Variants in KCTD8 observed in about 807,000 individuals in gnomAD.
KCTD8 encodes the protein potassium channel tetramerization domain containing 8, also known as BTB/POZ domain-containing protein KCTD8.
Under a neutral mutation model 31.5 loss-of-function variants are expected in KCTD8, and 27 were observed. That is an observed-to-expected ratio of 0.86 (90% CI 0.63 to 1.18). The LOEUF is 1.18. Among genes scored for constraint, KCTD8 ranks in the 50% most tolerant of loss-of-function variants. KCTD8 has a pLI of 0.00. For missense variants in KCTD8, 658 were observed against 647.7 expected (o/e 1.02, Z -0.17); for synonymous variants, 290 against 280.0 (o/e 1.04, Z -0.36).
At chr4:44,432,339 C>A (rs2109478490) in intron 1 of KCTD8, among the ~76,000 whole-genome samples, 1 of 151,550 alleles carries the variant, frequency 6.6e-6, no homozygotes, top group East Asian at 1.9e-4. Flanking sequence ...TGGTTAATAG[C>A]ATTCTATACA....
In KCTD8 at chr4:44,250,861, G is replaced by A. The variant is rs562954130; in HGVS notation, c.962-75611C>T. 1.3e-4 allele frequency among the ~76,000 whole-genome samples: 20 copies of A among 151,622 alleles called. No homozygotes were observed. In the South Asian group the frequency reaches 4.2e-3, roughly 31 times the overall value. The stretch of plus-strand genomic sequence containing the variant: ...AACATTTCCTCCAATTCAAAACTTG[G>A]CTTTTCATTTACTTAGTGTGTCTTG... On this transcript the variant is annotated intron_variant, in intron 1 of 1. Transcript: ENST00000360029.
chr4:44,281,248 C>G (rs1469067038), intron 1 of KCTD8, among the ~76,000 whole-genome samples: 1 of 152,074 alleles, frequency 6.6e-6, no homozygotes, highest in Admixed American at 6.6e-5. Flanking sequence ...TAATGCTGAT[C>G]ACATTCACAT....
chr4:44,268,620 G>A (rs1311603316), intron 1 of KCTD8, among the ~76,000 whole-genome samples: 6 of 152,000 alleles, frequency 3.9e-5, no homozygotes, highest in Admixed American at 2.0e-4. Flanking sequence ...GTTTGCAGAC[G>A]ACATGATTGT....
chr4:44,253,131 CCTT>C, intron 1 of KCTD8, among the ~76,000 whole-genome samples: 1 of 151,766 alleles, frequency 6.6e-6, no homozygotes, highest in South Asian at 2.1e-4. Flanking sequence ...TAAGTTTTCT[CCTT>C]TTTTCTTGTT....
intron 1 of KCTD8, among the ~76,000 whole-genome samples, chr4:44,426,293 C>A (rs1486368567): frequency 1.3e-5 from 2 of 149,338 alleles, no homozygotes; most frequent in Non-Finnish European, 3.0e-5. Context: ...CTAGTAAAAA[C>A]CAATAGAAAT....
chr4:44,270,208 A>G (rs142657287), intron 1 of KCTD8, among the ~76,000 whole-genome samples: 9,192 of 151,812 alleles, frequency 0.061, 932 homozygotes, highest in African/African-American at 0.21. Flanking sequence ...ATGCTATGCA[A>G]CCATAAAAAA....
At chr4:44,281,522 T>C (rs1716905595) in intron 1 of KCTD8, among the ~76,000 whole-genome samples, 1 of 152,050 alleles carries the variant, frequency 6.6e-6, no homozygotes, top group Admixed American at 6.6e-5. Context: ...AATACTGGGG[T>C]CTGACTGATA....
intron 1 of KCTD8, among the ~76,000 whole-genome samples, chr4:44,258,002 C>T (rs1716039312): frequency 6.6e-6 from 1 of 151,944 alleles, no homozygotes; most frequent in African/African-American, 2.4e-5. Context: ...TCATTAATTC[C>T]TTTCTACATT....
At chr4:44,313,572 C>T (rs577955800) in intron 1 of KCTD8, among the ~76,000 whole-genome samples, 153 of 152,270 alleles carry the variant, frequency 1.0e-3, no homozygotes, top group Non-Finnish European at 1.7e-3. Flanking sequence ...TTAAGTGCTT[C>T]AAAAATTAGT....
intron 1 of KCTD8, among the ~76,000 whole-genome samples, chr4:44,185,145 C>T (rs1231539318): frequency 6.6e-6 from 1 of 152,184 alleles, no homozygotes; most frequent in Admixed American, 6.5e-5. Flanking sequence ...TCAGTATCTT[C>T]CTATGACTCA....
chr4:44,349,191 T>G (rs185228911), intron 1 of KCTD8, among the ~76,000 whole-genome samples: 12 of 151,964 alleles, frequency 7.9e-5, no homozygotes, highest in Admixed American at 1.3e-4. Context: ...ATAAACATTT[T>G]GAGATGAAGT....
At position 44,324,069 on chromosome 4, in the gene KCTD8, AAAAC is replaced by A. The variant is rs1461722162; in HGVS notation, c.961+123490_961+123493del. 7.7e-4 allele frequency among the ~76,000 whole-genome samples: 115 copies of A among 150,172 alleles called. 1 individual carries two copies. The highest frequency in any genetic ancestry group is 2.1e-3 in the Admixed American group (32 of 15,072). On this transcript the variant is annotated intron_variant, in intron 1 of 1. Coordinates refer to ENST00000360029, the MANE Select transcript of KCTD8 (RefSeq NM_198353.3). ...TAAAAAAAAAAAAACAAAACAAAACAAAACAAAAAAAAAAGGAAACCAAATTTTT... is the reference window on the plus strand; with the variant it reads ...TAAAAAAAAAAAAACAAAACAAAACAAAAAAAAAAAGGAAACCAAATTTTT...
Position 44,448,418 on chromosome 4 carries a change from G to T in KCTD8, c.106C>A (p.Pro36Thr). 1.3e-6 allele frequency: 2 copies of T among 1,566,214 alleles called. No homozygotes were observed. Among genetic ancestry groups the T allele is most frequent in the East Asian group, 2.3e-5 (1 of 44,150 alleles). ...TCAGGGAAGGGCGAGGGTGCGCAGG[G>T]CCCCGGGGCGGCGGCGGCCGACGCG... ...PGASAAAAPG[P>T]CAPSPFPEVV... is the part of the protein sequence containing the mutation. Residue 36 changes from proline (P) to threonine (T), a missense_variant, in exon 1 of 2, where the codon CCC (proline) becomes ACC (threonine). Coordinates refer to ENST00000360029, the MANE Select transcript of KCTD8 (RefSeq NM_198353.3). This position sits in a 1 kb window ranked among gnomAD's most constrained non-coding sequence, Gnocchi z 4.1.
intron 1 of KCTD8, among the ~76,000 whole-genome samples, chr4:44,366,647 G>T (rs1196210735): frequency 6.7e-6 from 1 of 149,376 alleles, no homozygotes; most frequent in African/African-American, 2.4e-5. Context: ...ATGCGGATTA[G>T]CCTACTTCAT....
intron 1 of KCTD8, among the ~76,000 whole-genome samples, chr4:44,232,879 G>A (rs1189028150): frequency 6.6e-6 from 1 of 151,968 alleles, no homozygotes; most frequent in Non-Finnish European, 1.5e-5. Context: ...GGACATAAAT[G>A]ATGAAACAAA....
At chr4:44,207,646 T>C (rs1462712069) in intron 1 of KCTD8, among the ~76,000 whole-genome samples, 1 of 152,206 alleles carries the variant, frequency 6.6e-6, no homozygotes, top group Non-Finnish European at 1.5e-5. Context: ...TGTGTCAACA[T>C]GTCAATATGT....
intron 1 of KCTD8, among the ~76,000 whole-genome samples, chr4:44,301,839 C>T (rs1717633441): frequency 1.3e-5 from 2 of 152,082 alleles, no homozygotes; most frequent in Admixed American, 6.6e-5. Context: ...TCTAGGGTTT[C>T]TATGGTTTTA....
chr4:44,285,020 G>A (rs1717023913), intron 1 of KCTD8, among the ~76,000 whole-genome samples: 1 of 152,136 alleles, frequency 6.6e-6, no homozygotes, highest in Non-Finnish European at 1.5e-5. Context: ...TTACACTGTT[G>A]GTGGGAGTGT....
chr4:44,293,338 C>A, intron 1 of KCTD8: 2 of 400,024 alleles, frequency 5.0e-6, no homozygotes, highest in East Asian at 7.7e-5. Flanking sequence ...AGGAAATGTT[C>A]AACTTGCCCA....
Sources: gnomAD v4.1 joint callset for allele counts (sites outside exome capture counted in the v4.1 genomes callset) on GRCh38, gnomAD v4.1.1 for gene constraint, Gnocchi (gnomAD v3.1) non-coding constraint, MANE v1.5 for transcripts, NCBI Gene and HGNC (gene_info 2026-07-23, HGNC 2026-07-21) for gene names.